Variants in ANO10 observed in about 807,000 individuals in gnomAD.
ANO10 encodes anoctamin 10.
A neutral mutation model predicts 74.7 loss-of-function variants in ANO10; 77 were observed. The ratio of observed to expected loss-of-function variants is 1.03; its 90% CI spans 0.86 to 1.25. The LOEUF is 1.25. Ranked by LOEUF, ANO10 falls within the 50% of genes most tolerant of loss-of-function variation. The pLI, the probability that ANO10 is intolerant of heterozygous loss-of-function variation, is 0.00. For synonymous variants in ANO10, 279 were observed against 284.9 expected (o/e 0.98, Z 0.21); for missense variants, 721 against 778.1 (o/e 0.93, Z 0.87).
chr3:43,566,557 C>T (rs2080358855), intron 7 of ANO10, among the ~76,000 whole-genome samples: 1 of 152,208 alleles, frequency 6.6e-6, no homozygotes, highest in Non-Finnish European at 1.5e-5. Flanking sequence ...AACTGGGAGG[C>T]ACCCCCCAGC....
chr3:43,608,703 T>C (rs541728725), intron 1 of ANO10, among the ~76,000 whole-genome samples: 1 of 152,222 alleles, frequency 6.6e-6, no homozygotes, highest in Admixed American at 6.5e-5. Flanking sequence ...CACTTCAACC[T>C]TCCAAGTAGC....
intron 11 of ANO10, among the ~76,000 whole-genome samples, chr3:43,469,381 AT>A (rs2075763777): frequency 6.6e-6 from 1 of 152,110 alleles, no homozygotes. Context: ...CCCGCGGACA[AT>A]TCCTTCAGGT....
intron 1 of ANO10, among the ~76,000 whole-genome samples, chr3:43,606,588 G>C (rs960443345): frequency 6.6e-6 from 1 of 151,768 alleles, no homozygotes; most frequent in African/African-American, 2.4e-5. Context: ...ACAATGAAGA[G>C]GAAAGGATAG....
intron 1 of ANO10, among the ~76,000 whole-genome samples, chr3:43,651,524 T>C (rs960714965): frequency 4.6e-5 from 7 of 152,148 alleles, no homozygotes; most frequent in African/African-American, 1.4e-4. Flanking sequence ...TATTTTTTTC[T>C]AGCTAGCACA....
chr3:43,417,671 T>G (rs558686416), intron 12 of ANO10, among the ~76,000 whole-genome samples: 1 of 152,328 alleles, frequency 6.6e-6, no homozygotes, highest in East Asian at 1.9e-4. Flanking sequence ...GCTTCAATAG[T>G]GCTTTTATTT....
At chr3:43,686,472 G>A (rs1036366282) in intron 1 of ANO10, among the ~76,000 whole-genome samples, 1 of 152,068 alleles carries the variant, frequency 6.6e-6, no homozygotes, top group Non-Finnish European at 1.5e-5. Context: ...TTTTGGTAGA[G>A]ATGGGGTCTT....
chr3:43,599,320 C>A (rs2082229967), intron 3 of ANO10, among the ~76,000 whole-genome samples: 1 of 152,150 alleles, frequency 6.6e-6, no homozygotes, highest in African/African-American at 2.4e-5. Flanking sequence ...AAGCTCCCAT[C>A]CTGTTATCAT....
intron 4 of ANO10, among the ~76,000 whole-genome samples, chr3:43,596,480 T>C (rs2082089911): frequency 6.6e-6 from 1 of 152,110 alleles, no homozygotes; most frequent in Non-Finnish European, 1.5e-5. Context: ...CCATCTGACC[T>C]TTGACAAACC....
Position 43,667,562 on chromosome 3 carries a change from T to TA in ANO10, c.-12+23954dup, listed in dbSNP as rs1292270039. ...CCTGAGCAGTATACACTGTACCCAA[T>TA]ATGTAGTCTTTTATCCCTCATCCCA... is the stretch of plus-strand genomic sequence containing the variant. On this transcript the variant is annotated intron_variant, in intron 1 of 3. Transcript: ENST00000413397. Among the ~76,000 whole-genome samples the TA allele has an allele frequency of 2.0e-5, 3 of 152,226 alleles. No individual in the cohort carries two copies. The South Asian group carries it at 6.2e-4, about 32-fold the overall frequency.
chr3:43,467,827 G>C (rs2075690796), intron 11 of ANO10, among the ~76,000 whole-genome samples: 1 of 152,154 alleles, frequency 6.6e-6, no homozygotes, highest in Non-Finnish European at 1.5e-5. Flanking sequence ...AACTGCAACA[G>C]TAATAAATAC....
At chr3:43,385,439 C>T (rs564235453) in intron 12 of ANO10, among the ~76,000 whole-genome samples, 3 of 152,188 alleles carry the variant, frequency 2.0e-5, no homozygotes, top group African/African-American at 4.8e-5. Context: ...AATTATTATA[C>T]GAAAAAGATA....
intron 11 of ANO10, among the ~76,000 whole-genome samples, chr3:43,539,900 C>G (rs886957830): frequency 6.6e-6 from 1 of 152,144 alleles, no homozygotes; most frequent in Non-Finnish European, 1.5e-5. Flanking sequence ...TTCTCCTAAA[C>G]TTTCTTAGGC....
intron 10 of ANO10, among the ~76,000 whole-genome samples, chr3:43,552,732 ATG>A (rs2079541845): frequency 4.8e-4 from 64 of 134,638 alleles, no homozygotes; most frequent in Non-Finnish European, 7.5e-4. Context: ...ATATATATGT[ATG>A]TATGTATGTA....
rs760863716 is a variant in ANO10, at chr3:43,576,943, A to G, written c.911T>C (p.Leu304Pro). 1 of 1,614,180 alleles carries G rather than the reference A, an allele frequency of 6.2e-7. No individual in the cohort carries two copies. The highest frequency in any genetic ancestry group is 8.5e-7 in the Non-Finnish European group (1 of 1,180,008). Reference sequence around the variant, plus strand: ...CAACTGTCTCTTGTAGCTGGGGTACAGAGGCTCCTCCTTCCCAGTGATGGA... The same window carrying G: ...CAACTGTCTCTTGTAGCTGGGGTACGGAGGCTCCTCCTTCCCAGTGATGGA... ...INSITGKEEP[L>P]YPSYKRQLRI... Residue 304 changes from leucine (L) to proline (P), a missense_variant, in exon 6 of 13, where the codon CTG (leucine) becomes CCG (proline). Coordinates refer to ENST00000292246, the MANE Select transcript of ANO10 (RefSeq NM_018075.5).
At chr3:43,568,896 A>G (rs1409812520) in intron 7 of ANO10, among the ~76,000 whole-genome samples, 3 of 150,560 alleles carry the variant, frequency 2.0e-5, no homozygotes, top group Non-Finnish European at 4.4e-5. Context: ...TGAATCCAGG[A>G]GCTGGTTTTT....
At chr3:43,471,392 T>C (rs1339028079) in intron 11 of ANO10, among the ~76,000 whole-genome samples, 2 of 152,234 alleles carry the variant, frequency 1.3e-5, no homozygotes, top group Non-Finnish European at 1.5e-5. Flanking sequence ...CTTGCAAGTC[T>C]AGATTTTCTA....
intron 12 of ANO10, among the ~76,000 whole-genome samples, chr3:43,396,780 TG>T (rs1470155846): frequency 3.9e-5 from 6 of 152,268 alleles, no homozygotes; most frequent in African/African-American, 1.4e-4. Context: ...GAGCTCCTCC[TG>T]CCTTCACCTC....
intron 1 of ANO10, among the ~76,000 whole-genome samples, chr3:43,608,777 C>T (rs1413602835): frequency 1.3e-5 from 2 of 152,008 alleles, no homozygotes; most frequent in African/African-American, 4.8e-5. Context: ...GATGGGGTCT[C>T]CCTATGTTGT....
chr3:43,454,216 T>C (rs2075022481), intron 11 of ANO10, among the ~76,000 whole-genome samples: 1 of 152,160 alleles, frequency 6.6e-6, no homozygotes, highest in Non-Finnish European at 1.5e-5. Context: ...GGAAGGCCTG[T>C]GTGTCTGGAA....
Sources: gnomAD v4.1 joint callset for allele counts (sites outside exome capture counted in the v4.1 genomes callset) on GRCh38, gnomAD v4.1.1 for gene constraint, MANE v1.5 for transcripts, NCBI Gene and HGNC (gene_info 2026-07-23, HGNC 2026-07-21) for gene names.